XPO5: variants seen among roughly 807,000 people sequenced by gnomAD.
XPO5 encodes the protein exportin 5.
Under a neutral mutation model 160.6 loss-of-function variants are expected in XPO5, and 46 were observed. The ratio of observed to expected loss-of-function variants is 0.29; its 90% CI spans 0.23 to 0.37. The LOEUF is 0.37. Among genes scored for constraint, XPO5 ranks in the 10% least tolerant of loss-of-function variants. The pLI is 1.00. For synonymous variants in XPO5, 537 were observed against 519.3 expected (o/e 1.03, Z -0.46); for missense variants, 1,090 against 1,463.9 (o/e 0.74, Z 4.17).
Position 43,555,828 on chromosome 6 carries a change from A to T in XPO5, c.1441+8T>A, listed in dbSNP as rs1184540742. Reference sequence around the variant, plus strand: ...TTTCACTAACATTCAGTAATGAAAAAAACTTACAATTCACAGAACCAGCAT... The same window carrying T: ...TTTCACTAACATTCAGTAATGAAAATAACTTACAATTCACAGAACCAGCAT... On this transcript the variant is annotated splice_region_variant and intron_variant, in intron 13 of 31. Transcript: ENST00000265351. 1.2e-6 allele frequency: 2 copies of T among 1,613,824 alleles called. No individual in the cohort carries two copies. Among genetic ancestry groups the T allele is most frequent in the Non-Finnish European group, 1.7e-6 (2 of 1,179,826 alleles).
At chr6:43,543,102 C>A (rs531736597) in intron 20 of XPO5, among the ~76,000 whole-genome samples, 15 of 152,268 alleles carry the variant, frequency 9.9e-5, no homozygotes, top group South Asian at 8.3e-4. Flanking sequence ...GAAAGGAAGG[C>A]AGACACCAAA....
Position 43,567,643 on chromosome 6 carries a change from A to C in XPO5, c.649-289T>G, listed in dbSNP as rs138220055. Reference sequence around the variant, plus strand: ...TGCAGTGGCACACACCTGCAATACCAGCACTTTGGGAGGCCAAGGTGGGTG... The same window carrying C: ...TGCAGTGGCACACACCTGCAATACCCGCACTTTGGGAGGCCAAGGTGGGTG... On this transcript the variant is annotated intron_variant, in intron 6 of 31. Transcript: ENST00000265351. Among the ~76,000 whole-genome samples, 729 of 152,288 alleles carry C rather than the reference A, an allele frequency of 4.8e-3. 6 individuals carry two copies. Among genetic ancestry groups the C allele is most frequent in the African/African-American group, 0.017 (707 of 41,554 alleles).
chr6:43,556,220 G>A, intron 12 of XPO5: 1 of 383,762 alleles, frequency 2.6e-6, no homozygotes, highest in African/African-American at 2.0e-5. Context: ...TCCCATTTCT[G>A]TTTGAATTAA....
rs200787086 is a variant in XPO5 at position 43,524,501 on chromosome 6, T to A, written c.3447A>T (p.Gln1149His). 783 of 1,613,738 alleles carry A rather than the reference T, an allele frequency of 4.9e-4. 2 individuals are homozygous for A. The highest frequency in any genetic ancestry group is 9.2e-4 in the Admixed American group (55 of 60,000). Residue 1149 changes from glutamine (Q) to histidine (H), a missense_variant, in exon 31 of 32, where the codon CAA (glutamine) becomes CAT (histidine). Coordinates refer to ENST00000265351, the MANE Select transcript of XPO5 (RefSeq NM_020750.3). ...QKVADKRRKD[Q>H]FKRLIAGCIG... ...TGCAACCAGCAATGAGGCGTTTGAATTGGTCCTTTCGGCGCTTGTCAGCCA... is the reference window on the plus strand; with the variant it reads ...TGCAACCAGCAATGAGGCGTTTGAAATGGTCCTTTCGGCGCTTGTCAGCCA...
chr6:43,532,491 C>CT (rs1794046761), intron 21 of XPO5, among the ~76,000 whole-genome samples: 1 of 152,230 alleles, frequency 6.6e-6, no homozygotes, highest in South Asian at 2.1e-4. Flanking sequence ...GCCTCTAGCT[C>CT]TAACTTCATC....
Position 43,575,897 on chromosome 6 carries a change from T to C in XPO5, c.-33A>G. ...GCCACGCGCCGAGAGCGCACACCAC[T>C]GCAGTCCCGGGACCACGAGGCACGA... On this transcript the variant is annotated 5_prime_UTR_variant, in exon 1 of 32. Transcript: ENST00000265351. 1 of 1,604,222 alleles carries C rather than the reference T, an allele frequency of 6.2e-7. No homozygotes were observed. Among genetic ancestry groups the C allele is most frequent in the Non-Finnish European group, 8.5e-7 (1 of 1,173,162 alleles).
intron 14 of XPO5, 35 bp downstream of exon 14, chr6:43,553,338 T>A (rs1418068501): frequency 1.1e-5 from 17 of 1,585,710 alleles, no homozygotes; most frequent in Non-Finnish European, 1.4e-5. Context: ...AAGGTCAAAA[T>A]AATCATGCAG....
At chr6:43,573,655 A>C (rs1763123175) in intron 1 of XPO5, 54 bp from the exon 2 acceptor site, 1 of 1,566,306 alleles carries the variant, frequency 6.4e-7, no homozygotes, top group Admixed American at 1.9e-5. Flanking sequence ...ATAGGGACTA[A>C]AAGAATTTCA....
At chr6:43,550,516 T>C (rs2127731862) in intron 15 of XPO5, among the ~76,000 whole-genome samples, 1 of 152,340 alleles carries the variant, frequency 6.6e-6, no homozygotes, top group Non-Finnish European at 1.5e-5. Context: ...CCAATGATGG[T>C]GATTCACTAG....
chr6:43,575,665 T>G (rs1466825781), intron 1 of XPO5, 95 bp downstream of exon 1: 1 of 1,150,830 alleles, frequency 8.7e-7, no homozygotes, highest in African/African-American at 1.6e-5. Flanking sequence ...AGGGGCCGCG[T>G]GGGCGGGAGA....
chr6:43,526,910 G>A, intron 26 of XPO5, 163 bp from the exon 27 acceptor site: 1 of 666,552 alleles, frequency 1.5e-6, no homozygotes, highest in Non-Finnish European at 2.7e-6. Flanking sequence ...AGAAATAGAG[G>A]CATTCTGATG....
chr6:43,571,578 T>C (rs942142067), intron 3 of XPO5, among the ~76,000 whole-genome samples: 1 of 152,138 alleles, frequency 6.6e-6, no homozygotes, highest in African/African-American at 2.4e-5. Flanking sequence ...GGTGGGAGGA[T>C]TGCTTGAGGC....
intron 22 of XPO5, 76 bp from the exon 23 acceptor site, chr6:43,530,900 C>A (rs1793928732): frequency 6.7e-7 from 1 of 1,496,988 alleles, no homozygotes; most frequent in South Asian, 1.4e-5. Flanking sequence ...CCATGAATTT[C>A]ATTTCTAGCC....
chr6:43,534,681 T>C (rs954854774), intron 20 of XPO5, among the ~76,000 whole-genome samples: 6 of 152,088 alleles, frequency 3.9e-5, no homozygotes, highest in African/African-American at 9.7e-5. Context: ...TAAACCTCCA[T>C]AGTTTGTTCT....
At chr6:43,573,823 A>ATT (rs111408497) in intron 1 of XPO5, among the ~76,000 whole-genome samples, 18 of 126,142 alleles carry the variant, frequency 1.4e-4, no homozygotes, top group East Asian at 1.3e-3. Flanking sequence ...ATATATATAT[A>ATT]TTTTTTTTTT....
rs1314614309 is a variant in XPO5 at position 43,562,237 on chromosome 6, A to G, written c.1011+10T>C. On this transcript the variant is annotated intron_variant, in intron 9 of 31. Transcript: ENST00000265351. ...GCTTGAAGCTCTCCAGAAAGCAAAC[A>G]CTAGCTCACCAGCAATGCACACAGC... The G allele has an allele frequency of 1.3e-6, 2 of 1,597,994 alleles. No homozygotes were observed. Among genetic ancestry groups the G allele is most frequent in the Non-Finnish European group, 8.5e-7 (1 of 1,172,228 alleles).
At position 43,524,816 on chromosome 6, in the gene XPO5, G is replaced by A; in HGVS notation, c.3312+15C>T. On this transcript the variant is annotated intron_variant, in intron 30 of 31. Transcript: ENST00000265351. ...GAAGCTGCAGCCATCCTTCCCCCAT[G>A]CCTTCCCCACTCACCAGTGCCTCGT... 6.2e-7 allele frequency: 1 copy of A among 1,612,510 alleles called. No individual in the cohort carries two copies. The highest frequency in any genetic ancestry group is 8.5e-7 in the Non-Finnish European group (1 of 1,179,736).
rs529895845 is a variant in XPO5 at position 43,570,354 on chromosome 6, T to G, written c.621+148A>C. 6 of 663,432 alleles carry G rather than the reference T, an allele frequency of 9.0e-6. No individual in the cohort carries two copies. In the African/African-American group the frequency reaches 9.4e-5, roughly 10 times the overall value. The allele number at this position is 663,432 out of a possible 1,614,324, so 41.1% of individuals were successfully genotyped here. A position where few individuals can be genotyped will look rare whatever the true frequency, so the allele number is the denominator to read the frequency against. ...AAAAAGAAAGAAAATGAGCTCCAGT[T>G]TTTCTGTCATTTCCTAGTTTTTTAT... On this transcript the variant is annotated intron_variant, in intron 5 of 31. Transcript: ENST00000265351.
At chr6:43,546,356 G>C (rs1794963553) in intron 20 of XPO5, among the ~76,000 whole-genome samples, 1 of 152,194 alleles carries the variant, frequency 6.6e-6, no homozygotes, top group South Asian at 2.1e-4. Flanking sequence ...GCCCTTTTGG[G>C]ATTATCCCCT....
Sources: allele counts gnomAD v4.1 joint callset (sites outside exome capture counted in the v4.1 genomes callset), GRCh38; gene constraint gnomAD v4.1.1; transcripts MANE v1.5; gene names NCBI Gene and HGNC (gene_info 2026-07-23, HGNC 2026-07-21).